The following STK33 variants were observed in gnomAD, a reference collection of about 807,000 sequenced individuals.
STK33 encodes the protein serine/threonine-protein kinase 33.
STK33 carries 52 observed loss-of-function variants against 58.0 expected under a neutral mutation model. The ratio of observed to expected loss-of-function variants is 0.90; its 90% CI spans 0.72 to 1.13. The LOEUF (loss-of-function observed/expected upper bound fraction) is 1.13. STK33 is among the 50% of genes most tolerant of loss of function. The probability of loss-of-function intolerance (pLI) is 0.00; values close to 1 mark genes in which losing one functional copy is unlikely to be tolerated. For missense variants in STK33, 630 were observed against 604.2 expected (o/e 1.04, Z -0.45); for synonymous variants, 215 against 200.1 (o/e 1.07, Z -0.63).
At chr11:8,447,675 A>G (rs189186364) in intron 11 of STK33, among the ~76,000 whole-genome samples, 13 of 152,350 alleles carry the variant, frequency 8.5e-5, no homozygotes, top group African/African-American at 2.9e-4. Flanking sequence ...CCCACAGCCA[A>G]TATCATACTT....
At chr11:8,342,856 G>A in the STK33 span, among the ~76,000 whole-genome samples, 1 of 152,170 alleles carries the variant, frequency 6.6e-6, no homozygotes, top group Non-Finnish European at 1.5e-5. Context: ...CCAGACCAAA[G>A]AGCAAAAGGA....
the STK33 span, among the ~76,000 whole-genome samples, chr11:8,363,577 C>T: frequency 1.3e-5 from 2 of 152,206 alleles, no homozygotes; most frequent in Non-Finnish European, 2.9e-5. Context: ...CATCTGGCTT[C>T]TTCCCAGCGT....
chr11:8,442,872 T>C (rs1384331557), intron 11 of STK33, among the ~76,000 whole-genome samples: 6 of 152,164 alleles, frequency 3.9e-5, no homozygotes, highest in Non-Finnish European at 8.8e-5. Context: ...CAGAAGAGTA[T>C]GTACTGTATG....
At chr11:8,336,795 C>T in the STK33 span, among the ~76,000 whole-genome samples, 1 of 152,282 alleles carries the variant, frequency 6.6e-6, no homozygotes, top group African/African-American at 2.4e-5. Flanking sequence ...AGTCTGCCTC[C>T]TGGGCTAAGG....
At position 8,552,977 on chromosome 11, in the gene STK33, C is replaced by T. The variant is rs1956406738; in HGVS notation, c.-466+41106G>A. Among the ~76,000 whole-genome samples, 4 of 150,398 alleles carry T rather than the reference C, an allele frequency of 2.7e-5. No homozygotes were observed. The South Asian group carries it at 6.3e-4, about 24-fold the overall frequency. On this transcript the variant is annotated intron_variant, in intron 1 of 15. Coordinates refer to ENST00000687296, the MANE Select transcript of STK33 (RefSeq NM_001352389.2). ...AGCTGCCTGGGCCATACAGTGAGAC[C>T]TTGTCTCCACATAAAAAAAAAAAAC... is the stretch of plus-strand genomic sequence containing the variant.
chr11:8,487,866 G>T (rs1225068548), intron 1 of STK33, among the ~76,000 whole-genome samples: 2 of 152,124 alleles, frequency 1.3e-5, no homozygotes, highest in African/African-American at 4.8e-5. Context: ...TTAACTAAAG[G>T]CTTGCAGTAA....
At chr11:8,347,037 A>G in the STK33 span, among the ~76,000 whole-genome samples, 2 of 152,246 alleles carry the variant, frequency 1.3e-5, no homozygotes, top group Non-Finnish European at 2.9e-5. Context: ...CTAATTAAAG[A>G]TAGCTCAGCC....
At chr11:8,586,618 G>A (rs941071293) in intron 1 of STK33, among the ~76,000 whole-genome samples, 1 of 152,094 alleles carries the variant, frequency 6.6e-6, no homozygotes, top group African/African-American at 2.4e-5. Context: ...GAGGTCAGGA[G>A]TTTCAGACCA....
At chr11:8,542,607 C>T (rs1266267931) in intron 1 of STK33, among the ~76,000 whole-genome samples, 1 of 152,128 alleles carries the variant, frequency 6.6e-6, no homozygotes, top group African/African-American at 2.4e-5. Context: ...GTCAATAGGG[C>T]CAACGCTGAG....
At chr11:8,441,067 T>A (rs1944680051) in intron 11 of STK33, among the ~76,000 whole-genome samples, 1 of 152,164 alleles carries the variant, frequency 6.6e-6, no homozygotes, top group African/African-American at 2.4e-5. Context: ...GACAACAATA[T>A]CCCAGCCCTT....
At chr11:8,462,438 T>TACACACACAC (rs763733174) in intron 7 of STK33, among the ~76,000 whole-genome samples, 6 of 110,786 alleles carry the variant, frequency 5.4e-5, no homozygotes, top group Non-Finnish European at 1.1e-4. Context: ...CATATATACA[T>TACACACACAC]ATATACACAC....
chr11:8,512,762 G>A (rs1409262051), intron 1 of STK33, among the ~76,000 whole-genome samples: 3 of 152,098 alleles, frequency 2.0e-5, no homozygotes, highest in Non-Finnish European at 2.9e-5. Flanking sequence ...ATCTCATAGA[G>A]TCAGCATGAC....
chr11:8,553,199 G>GATATATATATATATA (rs1565347544), intron 1 of STK33, among the ~76,000 whole-genome samples: 5 of 60,976 alleles, frequency 8.2e-5, no homozygotes, highest in Non-Finnish European at 1.4e-4. Flanking sequence ...TATATATATG[G>GATATATATATATATA]TGTATATATA....
downstream of STK33, among the ~76,000 whole-genome samples, chr11:8,389,944 C>T (rs1798769073): frequency 6.6e-6 from 1 of 152,192 alleles, no homozygotes; most frequent in African/African-American, 2.4e-5. Flanking sequence ...AGGGGGCTAA[C>T]TTTACCTCAG....
chr11:8,422,901 T>A (rs958573309), intron 14 of STK33, among the ~76,000 whole-genome samples: 1 of 151,706 alleles, frequency 6.6e-6, no homozygotes, highest in Non-Finnish European at 1.5e-5. Flanking sequence ...CACGAGTCAC[T>A]GCAGCCTCCG....
intron 1 of STK33, among the ~76,000 whole-genome samples, chr11:8,486,723 G>A (rs1471865376): frequency 6.6e-6 from 1 of 152,192 alleles, no homozygotes; most frequent in African/African-American, 2.4e-5. Context: ...TATAGAGAAT[G>A]TATAGAAGGC....
chr11:8,394,807 T>C (rs1049343765), intron 15 of STK33, among the ~76,000 whole-genome samples: 13 of 152,192 alleles, frequency 8.5e-5, no homozygotes, highest in Non-Finnish European at 1.9e-4. Context: ...TGTAGAAATA[T>C]GATATTTCTG....
intron 1 of STK33, among the ~76,000 whole-genome samples, chr11:8,553,034 T>C (rs1020325213): frequency 1.7e-4 from 26 of 150,138 alleles, no homozygotes; most frequent in African/African-American, 6.4e-4. Context: ...CACACACCTG[T>C]AGTCCCAGAT....
At chr11:8,361,780 C>T in the STK33 span, among the ~76,000 whole-genome samples, 32 of 152,370 alleles carry the variant, frequency 2.1e-4, no homozygotes, top group Admixed American at 1.0e-3. The surrounding 1 kb of genome is among the most constrained non-coding windows in gnomAD (Gnocchi z 4.8). Flanking sequence ...GGATCCCTGG[C>T]CCACACAGCA....
Sources: allele counts gnomAD v4.1 joint callset (sites outside exome capture counted in the v4.1 genomes callset), GRCh38; gene constraint gnomAD v4.1.1; non-coding constraint Gnocchi (gnomAD v3.1); transcripts MANE v1.5; gene names NCBI Gene and HGNC (gene_info 2026-07-23, HGNC 2026-07-21).